FYB2: variants seen among roughly 807,000 people sequenced by gnomAD.
FYB2 encodes the protein FYN-binding protein 2.
FYB2 carries 103 observed loss-of-function variants against 94.1 expected under a neutral mutation model. The ratio of observed to expected loss-of-function variants is 1.09; its 90% CI spans 0.93 to 1.29. FYB2 has a LOEUF of 1.29. FYB2 is among the 50% of genes most tolerant of loss of function. The probability of loss-of-function intolerance (pLI) is 0.00; values close to 1 mark genes in which losing one functional copy is unlikely to be tolerated. For synonymous variants in FYB2, 293 were observed against 287.9 expected (o/e 1.02, Z -0.18); for missense variants, 896 against 841.5 (o/e 1.06, Z -0.80).
intron 17 of FYB2, 94 bp from the exon 18 acceptor site, chr1:56,720,423 TAACTC>T (rs1644463908): frequency 2.6e-6 from 3 of 1,135,750 alleles, no homozygotes; most frequent in Non-Finnish European, 3.6e-6. Context: ...ACTTCAAAAT[TAACTC>T]AAGATACTAT....
rs189810001 is a variant in FYB2 at position 56,800,447 on chromosome 1, A to C, written c.10-7644T>G. Among the ~76,000 whole-genome samples the C allele has an allele frequency of 1.3e-3, 198 of 152,298 alleles. 1 individual carries two copies. The highest frequency in any genetic ancestry group is 4.4e-3 in the African/African-American group (181 of 41,558). ...AAGGTTAAAGCTTAAGGTTAGAAAG[A>C]TTAAAAGCTTCCTATGTAAAGGCAA... is the stretch of plus-strand genomic sequence containing the variant. On this transcript the variant is annotated intron_variant, in intron 1 of 19. Coordinates refer to ENST00000343433, the MANE Select transcript of FYB2 (RefSeq NM_001004303.5).
At position 56,744,268 on chromosome 1, in the gene FYB2, T is replaced by C; in HGVS notation, c.1388-2A>G. 1.2e-6 allele frequency: 2 copies of C among 1,607,414 alleles called. No individual in the cohort carries two copies. Among genetic ancestry groups the C allele is most frequent in the East Asian group, 4.5e-5 (2 of 44,716 alleles). ...ACTCCAAAACCTCCAGATGCCCACCTGAAAGGAAACCAGAAAACCTGAAAA... is the reference window on the plus strand; with the variant it reads ...ACTCCAAAACCTCCAGATGCCCACCCGAAAGGAAACCAGAAAACCTGAAAA... On this transcript the variant is annotated splice_acceptor_variant, in intron 9 of 19. Transcript: ENST00000343433. LOFTEE classifies it high-confidence loss of function.
chr1:56,719,557 C>T lies in FYB2; in HGVS notation c.*114G>A. The T allele has an allele frequency of 3.4e-6, 3 of 894,266 alleles. No individual in the cohort carries two copies. Among genetic ancestry groups the T allele is most frequent in the Non-Finnish European group, 5.0e-6 (3 of 600,770 alleles). The allele number at this position is 894,266 out of a possible 1,614,324, so 55.4% of individuals were successfully genotyped here. On this transcript the variant is annotated 3_prime_UTR_variant, in exon 20 of 20. Coordinates refer to ENST00000343433, the MANE Select transcript of FYB2 (RefSeq NM_001004303.5). ...TTTAAGTTCAGAACGAAAGTTTCCA[C>T]AGATTCCACCATCTCAAAATTTTGA...
In FYB2 at chr1:56,762,202, T is replaced by G. The variant is rs958966076; in HGVS notation, c.1064-3452A>C. On this transcript the variant is annotated intron_variant, in intron 5 of 19. Coordinates refer to ENST00000343433, the MANE Select transcript of FYB2 (RefSeq NM_001004303.5). ...TTTTCAAAATTGTTTTTAGGTATTC[T>G]AACTCCTTTGCCTTTCTATATGCAT... is the stretch of plus-strand genomic sequence containing the variant. Among the ~76,000 whole-genome samples the G allele has an allele frequency of 4.6e-5, 7 of 152,352 alleles. No homozygotes were observed. In the South Asian group the frequency reaches 8.3e-4, roughly 18 times the overall value.
At chr1:56,758,298 C>T (rs1030097233) in intron 6 of FYB2, among the ~76,000 whole-genome samples, 1 of 151,944 alleles carries the variant, frequency 6.6e-6, no homozygotes, top group South Asian at 2.1e-4. Context: ...AGTGATTCTG[C>T]TTGGGCCCTA....
At chr1:56,757,285 A>C (rs12022804) in intron 6 of FYB2, among the ~76,000 whole-genome samples, 30,795 of 152,046 alleles carry the variant, frequency 0.2, 3,601 homozygotes, top group East Asian at 0.42. Flanking sequence ...TAATAGAAAT[A>C]ATAATCATTC....
chr1:56,787,263 G>A (rs1261130608), intron 3 of FYB2, 55 bp from the exon 4 acceptor site: 1 of 1,593,694 alleles, frequency 6.3e-7, no homozygotes, highest in Non-Finnish European at 8.6e-7. Context: ...CCTGGTTAAA[G>A]TGAATGATGC....
Position 56,744,185 on chromosome 1 carries a change from A to T in FYB2, c.1469T>A (p.Ile490Lys), listed in dbSNP as rs1321186809. The change falls in exon 10 of 20, where the codon ATA (isoleucine) becomes AAA (lysine). Residue 490 changes from isoleucine to lysine, a missense_variant. Transcript: ENST00000343433. ...CCTGGAGTACTCGACATCATCATAT[A>T]TCTCCTCCGAGATGGAACTTGTCTT... is the stretch of plus-strand genomic sequence containing the variant. ...VSKTSSISEE[I>K]YDDVEYSRKE... The T allele has an allele frequency of 1.2e-6, 2 of 1,612,740 alleles. No individual in the cohort carries two copies. Among genetic ancestry groups the T allele is most frequent in the Admixed American group, 1.7e-5 (1 of 59,800 alleles).
Position 56,751,071 on chromosome 1 carries a change from T to C in FYB2, c.1360A>G (p.Lys454Glu). The change falls in exon 9 of 20, where the codon AAG (lysine) becomes GAG (glutamate). Residue 454 changes from lysine (K) to glutamate (E), a missense_variant. Physicochemically the swap from Lys to Glu is moderately conservative, Grantham distance 56 (BLOSUM62 1). Coordinates refer to ENST00000343433, the MANE Select transcript of FYB2 (RefSeq NM_001004303.5). ...IQTNPCPEGP[K>E]LARHSQGHCG... ...TGGCCTTGGGAGTGCCTGGCCAGCTTTGGGCCCTCAGGGCAGGGATTTGTC... is the reference window on the plus strand; with the variant it reads ...TGGCCTTGGGAGTGCCTGGCCAGCTCTGGGCCCTCAGGGCAGGGATTTGTC... 1 of 1,612,710 alleles carries C rather than the reference T, an allele frequency of 6.2e-7. No homozygotes were observed. The highest frequency in any genetic ancestry group is 1.1e-5 in the South Asian group (1 of 91,012).
rs753217057 is a variant in FYB2, at chr1:56,719,680, C to T, written c.2178G>A (p.Trp726Ter). Reference sequence around the variant, plus strand: ...TTTGATCTTGATTTTTCTAAGGTGACCAACTTTGATGCCTGTGAAAAAATA... The same window carrying T: ...TTTGATCTTGATTTTTCTAAGGTGATCAACTTTGATGCCTGTGAAAAAATA... ...IEHLDFKHQSWSP is the reference protein window; with the variant it reads ...IEHLDFKHQS Residue 726 changes from tryptophan to a stop codon, truncating the protein, a stop_gained, in exon 20 of 20, where the codon TGG (tryptophan) becomes TGA (stop). Coordinates refer to ENST00000343433, the MANE Select transcript of FYB2 (RefSeq NM_001004303.5). LOFTEE classifies it high-confidence loss of function. 2 of 1,595,834 alleles carry T rather than the reference C, an allele frequency of 1.3e-6. No homozygotes were observed. The highest frequency in any genetic ancestry group is 2.7e-5 in the African/African-American group (2 of 74,072).
chr1:56,733,031 C>CTT (rs1294873686), intron 15 of FYB2, among the ~76,000 whole-genome samples: 1 of 151,996 alleles, frequency 6.6e-6, no homozygotes, highest in African/African-American at 2.4e-5. Context: ...AAACAATCAA[C>CTT]AGAGTGAAAA....
At chr1:56,732,430 A>G (rs1644731911) in intron 15 of FYB2, among the ~76,000 whole-genome samples, 1 of 152,182 alleles carries the variant, frequency 6.6e-6, no homozygotes, top group East Asian at 1.9e-4. Context: ...GATTCAATGC[A>G]ATCCCCATCA....
rs752455067 is a variant in FYB2 at position 56,758,763 on chromosome 1, TA to T, written c.1064-14del. The T allele has an allele frequency of 6.3e-6, 10 of 1,586,402 alleles. No homozygotes were observed. Among genetic ancestry groups the T allele is most frequent in the East Asian group, 2.3e-5 (1 of 44,380 alleles). On this transcript the variant is annotated splice_polypyrimidine_tract_variant and intron_variant, in intron 5 of 19. Coordinates refer to ENST00000343433, the MANE Select transcript of FYB2 (RefSeq NM_001004303.5). ...ACTTCATAAGTTGCTAAAGTAAACA[TA>T]AAAAAATTATTTCAAGGCAGCTGAT...
At chr1:56,826,671 G>C in the FYB2 span, 2 of 152,248 alleles carry the variant, frequency 1.3e-5, no homozygotes, top group Non-Finnish European at 2.9e-5. Flanking sequence ...TATTTCCACA[G>C]TTCCTTCATC....
At chr1:56,820,436 C>A (rs1646977914), upstream of FYB2, among the ~76,000 whole-genome samples, 1 of 152,204 alleles carries the variant, frequency 6.6e-6, no homozygotes, top group South Asian at 2.1e-4. Context: ...AGTTTTGGGG[C>A]TTTCAGCTCT....
At chr1:56,814,073 G>C (rs930550178) in intron 1 of FYB2, among the ~76,000 whole-genome samples, 7 of 152,180 alleles carry the variant, frequency 4.6e-5, no homozygotes, top group African/African-American at 1.7e-4. Flanking sequence ...TGTGGCCAAG[G>C]GGTAGGGAAG....
At chr1:56,788,894 GC>G (rs775425792) in intron 3 of FYB2, 78 bp downstream of exon 3, 3 of 1,547,192 alleles carry the variant, frequency 1.9e-6, no homozygotes, top group Non-Finnish European at 2.7e-6. Flanking sequence ...AGCAGCAGCG[GC>G]ATCGTCACCT....
rs186443453 is a variant in FYB2, at chr1:56,801,741, A to G, written c.10-8938T>C. Among the ~76,000 whole-genome samples the G allele has an allele frequency of 5.7e-4, 87 of 152,272 alleles. 2 individuals are homozygous for G. Among genetic ancestry groups the G allele is most frequent in the Admixed American group, 5.6e-3 (85 of 15,298 alleles). On this transcript the variant is annotated intron_variant, in intron 1 of 19. Coordinates refer to ENST00000343433, the MANE Select transcript of FYB2 (RefSeq NM_001004303.5). ...CACTGTTTCTCTACTATCCGGTCCC[A>G]TCTTCATTTCCCTATGTACCCAGAT...
intron 5 of FYB2, among the ~76,000 whole-genome samples, chr1:56,762,936 A>C (rs1355641648): frequency 2.0e-5 from 3 of 152,156 alleles, no homozygotes; most frequent in Non-Finnish European, 4.4e-5. Context: ...TTCCTATTTT[A>C]TGACAGTTTT....
Sources: allele counts gnomAD v4.1 joint callset (sites outside exome capture counted in the v4.1 genomes callset), GRCh38; gene constraint gnomAD v4.1.1; transcripts MANE v1.5; gene names NCBI Gene and HGNC (gene_info 2026-07-23, HGNC 2026-07-21).